PDGFD: variants seen among roughly 807,000 people sequenced by gnomAD.
PDGFD encodes platelet derived growth factor D, also known as platelet-derived growth factor D.
In PDGFD, 30 loss-of-function variants were observed where a neutral mutation model predicts 44.7. The ratio of observed to expected loss-of-function variants is 0.67; its 90% confidence interval spans 0.50 to 0.91. The LOEUF (loss-of-function observed/expected upper bound fraction) is 0.91. Ranked by LOEUF, PDGFD falls within the 40% of genes least tolerant of loss-of-function variation. The pLI is 0.00. For synonymous variants in PDGFD, 173 were observed against 168.4 expected, an observed-to-expected ratio of 1.03 and a Z score of -0.21; for missense variants, 445 against 457.8, an observed-to-expected ratio of 0.97 and a Z score of 0.25.
intron 1 of PDGFD, among the ~76,000 whole-genome samples, chr11:104,070,206 C>T (rs585025): frequency 0.47 from 70,825 of 151,990 alleles, 18,161 homozygotes; most frequent in African/African-American, 0.69. Flanking sequence ...TATCAGAGAA[C>T]GGTATTTAGA....
chr11:104,016,077 C>T (rs1481222669), intron 1 of PDGFD, among the ~76,000 whole-genome samples: 1 of 152,172 alleles, frequency 6.6e-6, no homozygotes, highest in Non-Finnish European at 1.5e-5. Flanking sequence ...GTATCACATG[C>T]TTAATGAATC....
intron 1 of PDGFD, among the ~76,000 whole-genome samples, chr11:104,059,472 TCCC>T (rs1355675930): frequency 1.3e-5 from 2 of 152,116 alleles, no homozygotes; most frequent in Non-Finnish European, 2.9e-5. Context: ...CATCCCTCTC[TCCC>T]CCAAGTGAAC....
chr11:104,049,203 C>T (rs758562365), intron 1 of PDGFD, among the ~76,000 whole-genome samples: 25 of 152,088 alleles, frequency 1.6e-4, no homozygotes, highest in East Asian at 3.9e-4. Context: ...GGCAATGGAA[C>T]GGGGATATAG....
chr11:104,116,545 T>C (rs1435611536), intron 1 of PDGFD, among the ~76,000 whole-genome samples: 1 of 151,110 alleles, frequency 6.6e-6, no homozygotes, highest in Non-Finnish European at 1.5e-5. Flanking sequence ...GAAGCCAGTA[T>C]TACCCTAATA....
chr11:104,031,734 G>C (rs1440194170), intron 1 of PDGFD, among the ~76,000 whole-genome samples: 2 of 152,074 alleles, frequency 1.3e-5, no homozygotes, highest in African/African-American at 4.8e-5. Flanking sequence ...CAAAGACATG[G>C]AGTCAACCCA....
In PDGFD at chr11:104,119,984, T is replaced by C. The variant is rs1343975945; in HGVS notation, c.124+43820A>G. 4.2e-5 allele frequency among the ~76,000 whole-genome samples: 6 copies of C among 142,462 alleles called. No homozygotes were observed. In the East Asian group the frequency reaches 1.2e-3, roughly 29 times the overall value. The allele number at this position is 142,462 out of a possible 152,430, so 93.5% of individuals were successfully genotyped here. ...ATATTTATATTACATAGTATCATAA[T>C]TATTAATTAAATTAATATATTAATA... On this transcript the variant is annotated intron_variant, in intron 1 of 6. Coordinates refer to ENST00000393158, the MANE Select transcript of PDGFD (RefSeq NM_025208.5).
intron 4 of PDGFD, among the ~76,000 whole-genome samples, chr11:103,944,083 T>C (rs1336959927): frequency 6.6e-6 from 1 of 152,176 alleles, no homozygotes; most frequent in African/African-American, 2.4e-5. Flanking sequence ...AAGTTCCACA[T>C]TCCCCCTTTA....
intron 1 of PDGFD, among the ~76,000 whole-genome samples, chr11:104,113,434 G>A (rs1555054583): frequency 6.6e-6 from 1 of 152,122 alleles, no homozygotes; most frequent in Non-Finnish European, 1.5e-5. Context: ...AGGGTGGACA[G>A]TGAAAACAGC....
At position 104,163,832 on chromosome 11, in the gene PDGFD, A is replaced by G. The variant is rs1021529417; in HGVS notation, c.96T>C (p.Ala32=). The change falls in exon 1 of 7, where the codon GCT becomes GCC. Residue 32 remains alanine, a synonymous_variant. Transcript: ENST00000393158. ...SATPQSASIK[A]LRNANLRRDE... ...CTCGCCTGAGGTTGGCGTTGCGCAA[A>G]GCTTTGATGGATGCGCTCTGCGGGG... 10 of 1,556,820 alleles carry G rather than the reference A, an allele frequency of 6.4e-6. 1 individual carries two copies. The highest frequency in any genetic ancestry group is 1.3e-5 in the African/African-American group (1 of 74,124).
At chr11:104,022,008 T>C (rs1210655014) in intron 1 of PDGFD, among the ~76,000 whole-genome samples, 1 of 152,136 alleles carries the variant, frequency 6.6e-6, no homozygotes, top group Non-Finnish European at 1.5e-5. Flanking sequence ...CCATTCTTCC[T>C]TATTTTCTAC....
chr11:103,914,178 T>C (rs938912356), intron 6 of PDGFD, among the ~76,000 whole-genome samples: 5 of 152,208 alleles, frequency 3.3e-5, no homozygotes, highest in African/African-American at 9.6e-5. Context: ...CAATAGGCTC[T>C]AGATGTCCCA....
intron 3 of PDGFD, among the ~76,000 whole-genome samples, chr11:103,957,313 T>C (rs1028873920): frequency 2.0e-5 from 3 of 152,188 alleles, no homozygotes; most frequent in Admixed American, 2.0e-4. Context: ...ATAGATTCAA[T>C]GCCATCCCCA....
At chr11:104,092,625 C>A (rs1591159686) in intron 1 of PDGFD, among the ~76,000 whole-genome samples, 1 of 152,110 alleles carries the variant, frequency 6.6e-6, no homozygotes, top group African/African-American at 2.4e-5. Context: ...TTCTGATCTT[C>A]TTGAAAGAAA....
chr11:104,050,104 G>A lies in PDGFD; in HGVS notation c.125-49849C>T, dbSNP rs549406608. On this transcript the variant is annotated intron_variant, in intron 1 of 6. Transcript: ENST00000393158. ...GTTATACGTTATATGTCCAGTGGGA[G>A]GGAGAGTCTGAAAAAGCAAGAGAGA... 3.5e-4 allele frequency among the ~76,000 whole-genome samples: 54 copies of A among 152,216 alleles called. No homozygotes were observed. In the South Asian group the frequency reaches 0.011, roughly 30 times the overall value.
At chr11:104,110,024 T>A (rs915577246) in intron 1 of PDGFD, among the ~76,000 whole-genome samples, 1 of 152,014 alleles carries the variant, frequency 6.6e-6, no homozygotes, top group Non-Finnish European at 1.5e-5. Flanking sequence ...AGAAAAAAAA[T>A]CTCAGGAATA....
intron 5 of PDGFD, among the ~76,000 whole-genome samples, chr11:103,941,222 T>G (rs1385835258): frequency 1.3e-5 from 2 of 152,046 alleles, no homozygotes; most frequent in African/African-American, 4.8e-5. Context: ...GGACTAGGCA[T>G]CTGAAGTTTT....
Position 104,062,573 on chromosome 11 carries a change from T to C in PDGFD, c.125-62318A>G, listed in dbSNP as rs377705676. On this transcript the variant is annotated intron_variant, in intron 1 of 6. Transcript: ENST00000393158. Reference sequence around the variant, plus strand: ...AGAATACGTTAGGAATAATTACTTATATTAATTCAATATATTTATTCATCC... The same window carrying C: ...AGAATACGTTAGGAATAATTACTTACATTAATTCAATATATTTATTCATCC... Among the ~76,000 whole-genome samples, 15 of 152,338 alleles carry C rather than the reference T, an allele frequency of 9.8e-5. No homozygotes were observed. The East Asian group carries it at 2.3e-3, about 23-fold the overall frequency.
intron 3 of PDGFD, among the ~76,000 whole-genome samples, chr11:103,958,747 T>C (rs1858892874): frequency 6.6e-6 from 1 of 152,182 alleles, no homozygotes; most frequent in African/African-American, 2.4e-5. Context: ...AATTTCTCTG[T>C]ACTTGACTGA....
At chr11:104,126,394 C>A (rs149856178) in intron 1 of PDGFD, among the ~76,000 whole-genome samples, 27 of 152,258 alleles carry the variant, frequency 1.8e-4, no homozygotes, top group Middle Eastern at 3.4e-3. Flanking sequence ...AAGACATCAT[C>A]AGTATCAGTT....
Sources: gnomAD v4.1 joint callset for allele counts (sites outside exome capture counted in the v4.1 genomes callset) on GRCh38, gnomAD v4.1.1 for gene constraint, MANE v1.5 for transcripts, NCBI Gene and HGNC (gene_info 2026-07-23, HGNC 2026-07-21) for gene names.